COX18: variants seen among roughly 807,000 people sequenced by gnomAD.
COX18 encodes cytochrome c oxidase assembly factor COX18, also known as cytochrome c oxidase assembly protein COX18, mitochondrial.
A neutral mutation model predicts 38.0 loss-of-function variants in COX18; 45 were observed. The ratio of observed to expected loss-of-function variants is 1.18; its 90% confidence interval spans 0.93 to 1.52. The LOEUF (loss-of-function observed/expected upper bound fraction) is 1.52. COX18 is among the 40% of genes most tolerant of loss of function. COX18 has a pLI of 0.00. For missense variants in COX18, 462 were observed against 423.8 expected, an observed-to-expected ratio of 1.09 and a Z score of -0.79; for synonymous variants, 177 against 169.8, an observed-to-expected ratio of 1.04 and a Z score of -0.33.
chr4:73,069,408 G>A lies in COX18; in HGVS notation c.242C>T (p.Pro81Leu). 6.4e-7 allele frequency: 1 copy of A among 1,569,722 alleles called. No individual in the cohort carries two copies. The highest frequency in any genetic ancestry group is 8.6e-7 in the Non-Finnish European group (1 of 1,158,322). ...LLGVHAATGLPWWGSILLSTV... is the reference protein window; with the variant it reads ...LLGVHAATGLLWWGSILLSTV... ...GGAGAGCAGAATGCTGCCCCACCAG[G>A]GCAGGCCCGTGGCGGCGTGCACGCC... Residue 81 changes from proline to leucine, a missense_variant, in exon 1 of 6, where the codon CCC becomes CTC. Coordinates refer to ENST00000507544, the MANE Select transcript of COX18 (RefSeq NM_001297732.2).
chr4:73,066,749 T>C (rs955565432), intron 2 of COX18, among the ~76,000 whole-genome samples: 2 of 152,206 alleles, frequency 1.3e-5, no homozygotes, highest in African/African-American at 2.4e-5. Flanking sequence ...CTTTGATAAG[T>C]AAAATTTCAA....
At position 73,068,029 on chromosome 4, in the gene COX18, C is replaced by T; in HGVS notation, c.434G>A (p.Arg145Lys). 1 of 1,604,866 alleles carries T rather than the reference C, an allele frequency of 6.2e-7. No homozygotes were observed. The highest frequency in any genetic ancestry group is 8.5e-7 in the Non-Finnish European group (1 of 1,173,954). Residue 145 changes from arginine (R) to lysine (K), a missense_variant and splice_region_variant, in exon 2 of 6, where the codon AGG (arginine) becomes AAG (lysine). Physicochemically the swap from Arg to Lys is conservative, Grantham distance 26 (BLOSUM62 2). Transcript: ENST00000507544. The stretch of plus-strand genomic sequence containing the variant: ...TCTTACGTGGATATAATTAGCTTAC[C>T]TGGCATCTCTTTTGGACCACCCCAA... ...NQLGWSKRDA[R>K]LTYLKNMRRL...
At chr4:73,067,971 T>TGAGTGTGTGTGTATGTGTGC (rs1720551887) in intron 2 of COX18, 58 bp downstream of exon 2, 1 of 942,430 alleles carries the variant, frequency 1.1e-6, no homozygotes, top group Non-Finnish European at 1.7e-6. Context: ...TGTGTGTGTG[T>TGAGTGTGTGTGTATGTGTGC]GTGTGTGTGT....
At chr4:73,060,768 T>C (rs540408247) in intron 5 of COX18, among the ~76,000 whole-genome samples, 2 of 150,716 alleles carry the variant, frequency 1.3e-5, no homozygotes, top group Non-Finnish European at 2.9e-5. Flanking sequence ...TAATCCCAGG[T>C]ACTAGGGAGG....
rs1313083474 is a variant in COX18, at chr4:73,053,126, A to G, written c.*4988T>C. ...TTTCACACTAACTACAATTTTCCCA[A>G]TGTCATCTAGGAGGACCTCTGTACC... is the stretch of plus-strand genomic sequence containing the variant. On this transcript the variant is annotated 3_prime_UTR_variant, in exon 6 of 6. Transcript: ENST00000507544. The G allele has an allele frequency of 1.3e-5, 2 of 152,198 alleles. No homozygotes were observed. Among genetic ancestry groups the G allele is most frequent in the African/African-American group, 4.8e-5 (2 of 41,452 alleles). 9.4% of individuals were successfully genotyped at this position (152,198 alleles called of 1,614,324 possible).
chr4:73,059,536 A>G (rs1207120184), intron 5 of COX18, among the ~76,000 whole-genome samples: 1 of 152,194 alleles, frequency 6.6e-6, no homozygotes, highest in African/African-American at 2.4e-5. Context: ...TTAGCACAGT[A>G]GTTAAGAGGA....
Position 73,056,460 on chromosome 4 carries a change from A to G in COX18, c.*1654T>C, listed in dbSNP as rs1043892447. On this transcript the variant is annotated 3_prime_UTR_variant, in exon 6 of 6. Coordinates refer to ENST00000507544, the MANE Select transcript of COX18 (RefSeq NM_001297732.2). ...TCCACTTTGGGTGCTAGCAGTACAC[A>G]GTGTTACACTCTGTATTCCAGACTT... The G allele has an allele frequency of 6.6e-6, 1 of 152,254 alleles. No individual in the cohort carries two copies. The highest frequency in any genetic ancestry group is 2.4e-5 in the African/African-American group (1 of 41,470). 9.4% of individuals were successfully genotyped at this position (152,254 alleles called of 1,614,324 possible).
rs754666422 is a variant in COX18 at position 73,069,299 on chromosome 4, C to G, written c.333+18G>C. On this transcript the variant is annotated intron_variant, in intron 1 of 5. Coordinates refer to ENST00000507544, the MANE Select transcript of COX18 (RefSeq NM_001297732.2). ...GGGGTTGCAGCGCAGGGTACGCGCACGGCTCGGCGCCCCTCACCTTGGCCA... is the reference window on the plus strand; with the variant it reads ...GGGGTTGCAGCGCAGGGTACGCGCAGGGCTCGGCGCCCCTCACCTTGGCCA... 5.4e-6 allele frequency: 8 copies of G among 1,485,388 alleles called. No homozygotes were observed. In the East Asian group the frequency reaches 2.0e-4, roughly 37 times the overall value. 92.0% of individuals were successfully genotyped at this position (1,485,388 alleles called of 1,614,324 possible). A position where few individuals can be genotyped will look rare whatever the true frequency, so the allele number is the denominator to read the frequency against.
intron 4 of COX18, among the ~76,000 whole-genome samples, chr4:73,063,198 C>G (rs1162987142): frequency 1.3e-5 from 2 of 151,648 alleles, no homozygotes; most frequent in African/African-American, 2.4e-5. Flanking sequence ...CCCAGCTACT[C>G]GAGAGGCTGA....
At chr4:73,064,669 C>T in intron 4 of COX18, 109 bp downstream of exon 4, 5 of 1,299,028 alleles carry the variant, frequency 3.8e-6, no homozygotes, top group Non-Finnish European at 5.4e-6. Context: ...GATCTCACTT[C>T]TAACTCAGAG....
rs572167947 is a variant in COX18 at position 73,055,661 on chromosome 4, G to C, written c.*2453C>G. On this transcript the variant is annotated 3_prime_UTR_variant, in exon 6 of 6. Transcript: ENST00000507544. ...CAAAAAGGATACATGTTTACGGTAT[G>C]AGAGCTGAAACTAGAAGGCAGAGTA... 7 of 152,324 alleles carry C rather than the reference G, an allele frequency of 4.6e-5. No homozygotes were observed. The highest frequency in any genetic ancestry group is 1.7e-4 in the African/African-American group (7 of 41,570). The allele number at this position is 152,324 out of a possible 1,614,324, so 9.4% of individuals were successfully genotyped here.
upstream of COX18, chr4:73,069,735 C>T (rs939157553): frequency 7.6e-7 from 1 of 1,323,028 alleles, no homozygotes; most frequent in African/African-American, 1.5e-5. Context: ...GCGCACGCGC[C>T]AGCAACAGCG....
At position 73,069,680 on chromosome 4, in the gene COX18, G is replaced by C; in HGVS notation, c.-31C>G. 2 of 1,534,116 alleles carry C rather than the reference G, an allele frequency of 1.3e-6. No individual in the cohort carries two copies. Among genetic ancestry groups the C allele is most frequent in the Non-Finnish European group, 1.7e-6 (2 of 1,144,570 alleles). On this transcript the variant is annotated 5_prime_UTR_variant, in exon 1 of 6. Coordinates refer to ENST00000507544, the MANE Select transcript of COX18 (RefSeq NM_001297732.2). ...CACCACGGCGGAGCCCAGATCCCGG[G>C]CCTCACAATCCAGCGGACATACACC...
At chr4:73,060,730 A>G (rs916186076) in intron 5 of COX18, among the ~76,000 whole-genome samples, 1 of 152,008 alleles carries the variant, frequency 6.6e-6, no homozygotes, top group African/African-American at 2.4e-5. Context: ...AAATACAAAA[A>G]TTAGCCAAGT....
At chr4:73,061,512 T>A (rs576560736) in intron 5 of COX18, among the ~76,000 whole-genome samples, 1 of 151,554 alleles carries the variant, frequency 6.6e-6, no homozygotes, top group African/African-American at 2.4e-5. Context: ...ATCGAGACCA[T>A]CCTGGTTAAT....
intron 4 of COX18, 72 bp from the exon 5 acceptor site, chr4:73,061,992 TAAACTGA>T: frequency 1.3e-6 from 1 of 794,698 alleles, no homozygotes; most frequent in Non-Finnish European, 2.1e-6. Flanking sequence ...CTTTAAAATA[TAAACTGA>T]TTTTTCACTG....
chr4:73,058,339 C>T, intron 5 of COX18, 52 bp from the exon 6 acceptor site: 1 of 1,285,734 alleles, frequency 7.8e-7, no homozygotes, highest in Non-Finnish European at 1.1e-6. Context: ...AAGGACATCA[C>T]AGTCCAGACA....
intron 3 of COX18, 70 bp downstream of exon 3, chr4:73,065,180 T>C (rs1261498804): frequency 9.3e-7 from 1 of 1,080,270 alleles, no homozygotes; most frequent in Admixed American, 3.0e-5. Context: ...TGCTTTTTTT[T>C]TTTTTTTTTT....
rs957962878 is a variant in COX18 at position 73,065,286 on chromosome 4, G to A, written c.562C>T (p.Leu188Phe). 8 of 1,612,738 alleles carry A rather than the reference G, an allele frequency of 5.0e-6. No homozygotes were observed. The highest frequency in any genetic ancestry group is 6.8e-6 in the Non-Finnish European group (8 of 1,179,738). Reference protein sequence around the residue: ...LPMWIFMSFALRNLSTGAAHS... With the variant: ...LPMWIFMSFAFRNLSTGAAHS... ...GCTGCCCCCGTGCTTAAATTCCGGA[G>A]AGCAAAAGACATGAAGATCCACATT... The change falls in exon 3 of 6, where the codon CTC becomes TTC. Residue 188 changes from leucine (L) to phenylalanine (F), a missense_variant. Transcript: ENST00000507544.
Sources: gnomAD v4.1 joint callset for allele counts (sites outside exome capture counted in the v4.1 genomes callset) on GRCh38, gnomAD v4.1.1 for gene constraint, MANE v1.5 for transcripts, NCBI Gene and HGNC (gene_info 2026-07-23, HGNC 2026-07-21) for gene names.